The following PFKL variants were observed in gnomAD, a reference collection of about 807,000 sequenced individuals.
PFKL encodes the protein ATP-dependent 6-phosphofructokinase, liver type.
Under a neutral mutation model 92.1 loss-of-function variants are expected in PFKL, and 74 were observed. The ratio of observed to expected loss-of-function variants is 0.80; its 90% CI spans 0.67 to 0.97. PFKL has a LOEUF of 0.97. Among genes scored for constraint, PFKL ranks in the 50% least tolerant of loss-of-function variants. The pLI is 0.00. For missense variants in PFKL, 1,028 were observed against 1,116.6 expected, an observed-to-expected ratio of 0.92 and a Z score of 1.13; for synonymous variants, 494 against 456.4, an observed-to-expected ratio of 1.08 and a Z score of -1.05.
Position 44,306,764 on chromosome 21 carries a change from A to G in PFKL, c.159+10A>G, listed in dbSNP as rs781413630. On this transcript the variant is annotated intron_variant, in intron 2 of 21. Coordinates refer to ENST00000349048, the MANE Select transcript of PFKL (RefSeq NM_002626.6). Reference sequence around the variant, plus strand: ...CTTCCTCATCTACGAGGTAAGGCCAAGGTGGGCTGTGTGTGTGCAGGGAGT... The same window carrying G: ...CTTCCTCATCTACGAGGTAAGGCCAGGGTGGGCTGTGTGTGTGCAGGGAGT... 6.2e-7 allele frequency: 1 copy of G among 1,612,784 alleles called. No individual in the cohort carries two copies. Among genetic ancestry groups the G allele is most frequent in the Admixed American group, 1.7e-5 (1 of 59,952 alleles).
rs780202160 is a variant in PFKL at position 44,321,689 on chromosome 21, C to T, written c.1192-40C>T. The T allele has an allele frequency of 1.3e-5, 19 of 1,491,658 alleles. No individual in the cohort carries two copies. The Admixed American group carries it at 3.6e-4, about 29-fold the overall frequency. The allele number at this position is 1,491,658 out of a possible 1,614,324, so 92.4% of individuals were successfully genotyped here. A position where few individuals can be genotyped will look rare whatever the true frequency, so the allele number is the denominator to read the frequency against. On this transcript the variant is annotated intron_variant, in intron 12 of 21. Transcript: ENST00000349048. Reference sequence around the variant, plus strand: ...TCCTGTGCAGGTTGGGGGTCCCCTCCCCGGCTGTGCCTCACGCTCATCTCC... The same window carrying T: ...TCCTGTGCAGGTTGGGGGTCCCCTCTCCGGCTGTGCCTCACGCTCATCTCC...
At position 44,326,028 on chromosome 21, in the gene PFKL, T is replaced by A. The variant is rs781621216; in HGVS notation, c.2057T>A (p.Leu686Ter). The A allele has an allele frequency of 6.2e-7, 1 of 1,613,856 alleles. No homozygotes were observed. The highest frequency in any genetic ancestry group is 8.5e-7 in the Non-Finnish European group (1 of 1,179,958). Residue 686 changes from leucine to a stop codon, truncating the protein, a stop_gained, in exon 20 of 22, where the codon TTG (leucine) becomes TAG (stop). Transcript: ENST00000349048. LOFTEE classifies it high-confidence loss of function. Reference sequence around the variant, plus strand: ...CTGGGGGTGAAGGCCATGCTGTGGTTGTCGGAGAAGCTGCGCGAGGTTTAC... The same window carrying A: ...CTGGGGGTGAAGGCCATGCTGTGGTAGTCGGAGAAGCTGCGCGAGGTTTAC... Reference protein sequence around the residue: ...TKLGVKAMLWLSEKLREVYRK... With the variant: ...TKLGVKAMLW
chr21:44,324,593 AT>A lies in PFKL; in HGVS notation c.1755del (p.Ile585MetfsTer20), dbSNP rs1216314100. 1 of 1,612,596 alleles carries A rather than the reference AT, an allele frequency of 6.2e-7. No individual in the cohort carries two copies. Among genetic ancestry groups the A allele is most frequent in the Non-Finnish European group, 8.5e-7 (1 of 1,179,618 alleles). On this transcript the variant is annotated frameshift_variant, in exon 17 of 22. Coordinates refer to ENST00000349048, the MANE Select transcript of PFKL (RefSeq NM_002626.6). LOFTEE classifies it high-confidence loss of function. ...YCGYLATVTG[I>X]AVGADAAYVF... Reference sequence around the variant, plus strand: ...TGGCTACCTGGCCACCGTGACTGGCATTGCTGTGGGGGCCGACGCCGCCTAC... The same window carrying A: ...TGGCTACCTGGCCACCGTGACTGGCATGCTGTGGGGGCCGACGCCGCCTAC...
At chr21:44,304,999 G>A (rs1751812143) in intron 1 of PFKL, among the ~76,000 whole-genome samples, 3 of 152,136 alleles carry the variant, frequency 2.0e-5, no homozygotes, top group African/African-American at 7.2e-5. Context: ...TCTAACGTCT[G>A]TGCCCCTTCT....
chr21:44,300,187 C>T lies in PFKL; in HGVS notation c.82C>T (p.Gln28Ter). ...CGTCCTGACCAGCGGCGGCGACGCG[C>T]AAGGTGGGCGGGGGTCCCGGCCGCG... The part of the protein sequence containing the change: ...IGVLTSGGDA[Q>*]GMNAAVRAVT... The change falls in exon 1 of 22, where the codon CAA becomes TAA. Residue 28 changes from glutamine (Q) to a stop codon, truncating the protein, a stop_gained. Transcript: ENST00000349048. LOFTEE classifies it high-confidence loss of function. The T allele has an allele frequency of 8.8e-7, 1 of 1,135,186 alleles. No individual in the cohort carries two copies. Among genetic ancestry groups the T allele is most frequent in the Non-Finnish European group, 1.1e-6 (1 of 919,926 alleles). The allele number at this position is 1,135,186 out of a possible 1,614,324, so 70.3% of individuals were successfully genotyped here. A position where few individuals can be genotyped will look rare whatever the true frequency, so the allele number is the denominator to read the frequency against.
intron 17 of PFKL, 41 bp downstream of exon 17, chr21:44,324,696 A>C (rs770833082): frequency 6.4e-7 from 1 of 1,563,150 alleles, no homozygotes; most frequent in Non-Finnish European, 8.7e-7. Context: ...ACCTGCCGGC[A>C]TGCCAGCCTG....
At position 44,326,853 on chromosome 21, in the gene PFKL, G is replaced by A. The variant is rs1302364121; in HGVS notation, c.2334G>A (p.Lys778=). ...HVTRRTLSMD[K]GF is the part of the protein sequence containing the mutation. Reference sequence around the variant, plus strand: ...CCCGCCGCACCCTGAGCATGGACAAGGGCTTCTGAGGCCAGCCATGCCCAC... The same window carrying A: ...CCCGCCGCACCCTGAGCATGGACAAAGGCTTCTGAGGCCAGCCATGCCCAC... The change falls in exon 22 of 22, where the codon AAG becomes AAA. Residue 778 remains lysine, a synonymous_variant. Coordinates refer to ENST00000349048, the MANE Select transcript of PFKL (RefSeq NM_002626.6). 1 of 1,608,328 alleles carries A rather than the reference G, an allele frequency of 6.2e-7. No homozygotes were observed. Among genetic ancestry groups the A allele is most frequent in the South Asian group, 1.1e-5 (1 of 89,978 alleles).
chr21:44,305,363 T>TG (rs1452427676), intron 1 of PFKL: 2 of 1,360,826 alleles, frequency 1.5e-6, no homozygotes, highest in Admixed American at 1.9e-5. Flanking sequence ...AGTCCTCTCG[T>TG]GGGGGTCTCC....
chr21:44,319,869 C>A, intron 11 of PFKL: 1 of 544,274 alleles, frequency 1.8e-6, no homozygotes, highest in East Asian at 3.1e-5. Flanking sequence ...ACGTGCTTTG[C>A]TGCACGGGCT....
intron 15 of PFKL, 149 bp downstream of exon 15, chr21:44,323,198 C>A: frequency 1.7e-6 from 1 of 577,266 alleles, no homozygotes; most frequent in Non-Finnish European, 3.0e-6. Context: ...TGTGTGGGCT[C>A]GGGAGGGCAC....
rs368709851 is a variant in PFKL, at chr21:44,318,516, C to T, written c.983C>T (p.Thr328Met). The T allele has an allele frequency of 4.6e-4, 724 of 1,574,136 alleles. 10 individuals carry two copies. The South Asian group carries it at 6.2e-3, about 13-fold the overall frequency. The change falls in exon 10 of 22, where the codon ACG (threonine) becomes ATG (methionine). Residue 328 changes from threonine to methionine, a missense_variant. Physicochemically the swap from Thr to Met is moderately conservative, Grantham distance 81. Transcript: ENST00000349048. ...MEAVMALLEA[T>M]PDTPACVVTL... is the part of the protein sequence containing the mutation. The stretch of plus-strand genomic sequence containing the variant: ...GCGGTGATGGCGCTGCTGGAAGCCA[C>T]GCCTGACACGCCGGCCTGCGTGGTC...
intron 1 of PFKL, among the ~76,000 whole-genome samples, chr21:44,303,229 T>A (rs144328703): frequency 7.3e-6 from 1 of 137,806 alleles, no homozygotes; most frequent in East Asian, 2.0e-4. Context: ...CGAGACTCTG[T>A]TGCAAAAAAC....
rs2047535171 is a variant in PFKL, at chr21:44,327,060, C to T, written c.*198C>T. The T allele has an allele frequency of 1.7e-6, 1 of 598,522 alleles. No individual in the cohort carries two copies. Among genetic ancestry groups the T allele is most frequent in the Non-Finnish European group, 3.0e-6 (1 of 336,208 alleles). The allele number at this position is 598,522 out of a possible 1,614,324, so 37.1% of individuals were successfully genotyped here. On this transcript the variant is annotated 3_prime_UTR_variant, in exon 22 of 22. Coordinates refer to ENST00000349048, the MANE Select transcript of PFKL (RefSeq NM_002626.6). ...GGTGTCTTGAGACCAGCCTGCCAGGCCCTCCAGCAGGAGGACAGAGTGCCC... is the reference window on the plus strand; with the variant it reads ...GGTGTCTTGAGACCAGCCTGCCAGGTCCTCCAGCAGGAGGACAGAGTGCCC...
intron 3 of PFKL, among the ~76,000 whole-genome samples, chr21:44,311,769 G>T (rs2047054335): frequency 6.6e-6 from 1 of 152,156 alleles, no homozygotes; most frequent in South Asian, 2.1e-4. Flanking sequence ...CCCTGAGTTG[G>T]TACAGGGCCT....
chr21:44,312,430 C>A, intron 4 of PFKL, 136 bp downstream of exon 4: 1 of 801,202 alleles, frequency 1.2e-6, no homozygotes, highest in Non-Finnish European at 1.9e-6. Context: ...TGGCCGTTGG[C>A]CGGGGAGGAG....
Position 44,306,597 on chromosome 21 carries a change from T to A in PFKL, c.86-84T>A, listed in dbSNP as rs2070568. 3,136 of 1,110,504 alleles carry A rather than the reference T, an allele frequency of 2.8e-3. 45 individuals carry two copies. Among genetic ancestry groups the A allele is most frequent in the Non-Finnish European group, 3.7e-3 (2,849 of 762,792 alleles). 68.8% of individuals were successfully genotyped at this position (1,110,504 alleles called of 1,614,324 possible). A position where few individuals can be genotyped will look rare whatever the true frequency, so the allele number is the denominator to read the frequency against. ...ATGGACAGGGTGTCCAGGCCTCCCC[T>A]ACCCCCTGTCCTCTGAGATGGGGAG... On this transcript the variant is annotated intron_variant, in intron 1 of 21. Coordinates refer to ENST00000349048, the MANE Select transcript of PFKL (RefSeq NM_002626.6).
intron 11 of PFKL, chr21:44,319,869 C>T: frequency 1.8e-6 from 1 of 544,274 alleles, no homozygotes; most frequent in Non-Finnish European, 3.3e-6. Flanking sequence ...ACGTGCTTTG[C>T]TGCACGGGCT....
chr21:44,300,197 G>T lies in PFKL; in HGVS notation c.85+7G>T. 9.1e-7 allele frequency: 1 copy of T among 1,100,248 alleles called. No homozygotes were observed. The highest frequency in any genetic ancestry group is 1.1e-6 in the Non-Finnish European group (1 of 902,654). The allele number at this position is 1,100,248 out of a possible 1,614,324, so 68.2% of individuals were successfully genotyped here. A position where few individuals can be genotyped will look rare whatever the true frequency, so the allele number is the denominator to read the frequency against. On this transcript the variant is annotated splice_region_variant and intron_variant, in intron 1 of 21. Transcript: ENST00000349048. ...AGCGGCGGCGACGCGCAAGGTGGGC[G>T]GGGGTCCCGGCCGCGTCGCGGCGCA...
In PFKL at chr21:44,327,062, C is replaced by A; in HGVS notation, c.*200C>A. On this transcript the variant is annotated 3_prime_UTR_variant, in exon 22 of 22. Coordinates refer to ENST00000349048, the MANE Select transcript of PFKL (RefSeq NM_002626.6). ...TGTCTTGAGACCAGCCTGCCAGGCC[C>A]TCCAGCAGGAGGACAGAGTGCCCTG... 1.7e-6 allele frequency: 1 copy of A among 597,834 alleles called. No individual in the cohort carries two copies. Among genetic ancestry groups the A allele is most frequent in the Non-Finnish European group, 3.0e-6 (1 of 335,696 alleles). 37.0% of individuals were successfully genotyped at this position (597,834 alleles called of 1,614,324 possible).
Sources: gnomAD v4.1 joint callset for allele counts (sites outside exome capture counted in the v4.1 genomes callset) on GRCh38, gnomAD v4.1.1 for gene constraint, MANE v1.5 for transcripts, NCBI Gene and HGNC (gene_info 2026-07-23, HGNC 2026-07-21) for gene names.